Variants in CCDC78 observed in about 807,000 individuals in gnomAD.
CCDC78 encodes coiled-coil domain-containing protein 78.
CCDC78 carries 78 observed loss-of-function variants against 61.9 expected under a neutral mutation model. That is an observed-to-expected ratio of 1.26 (90% CI 1.05 to 1.52). CCDC78 has a LOEUF of 1.52. Among genes scored for constraint, CCDC78 ranks in the 40% most tolerant of loss-of-function variants. The probability of loss-of-function intolerance (pLI) is 0.00; values close to 1 mark genes in which losing one functional copy is unlikely to be tolerated. For missense variants in CCDC78, 737 were observed against 615.5 expected (o/e 1.20, Z -2.09); for synonymous variants, 287 against 251.9 (o/e 1.14, Z -1.32).
chr16:723,629 T>A (rs1179802448), intron 11 of CCDC78: 1 of 696,070 alleles, frequency 1.4e-6, no homozygotes. Context: ...ATCCTCCGTG[T>A]TCAAGGCCAG....
At chr16:723,256 G>A in intron 11 of CCDC78, 95 bp from the exon 12 acceptor site, 1 of 1,346,424 alleles carries the variant, frequency 7.4e-7, no homozygotes, top group African/African-American at 1.4e-5. Flanking sequence ...CCAGAGCCGG[G>A]AGGGGACACC....
chr16:725,423 T>C lies in CCDC78; in HGVS notation c.425A>G (p.His142Arg), dbSNP rs147899031. 193 of 1,612,578 alleles carry C rather than the reference T, an allele frequency of 1.2e-4. No homozygotes were observed. Among genetic ancestry groups the C allele is most frequent in the Non-Finnish European group, 1.5e-4 (181 of 1,179,958 alleles). The stretch of plus-strand genomic sequence containing the variant: ...TATGCTCATGGTAACCTGGAATCTG[T>C]GGTCATCAGAGTGTCCAGGCACCTG... ...KAQVPGHSDD[H>R]RFQVQPKNTM... Residue 142 changes from histidine to arginine, a missense_variant, in exon 4 of 14, where the codon CAC (histidine) becomes CGC (arginine). His to Arg is a conservative substitution (Grantham distance 29). Transcript: ENST00000345165.
rs1048490947 is a variant in CCDC78, at chr16:722,657, C to T, written c.*21G>A. 2 of 1,602,390 alleles carry T rather than the reference C, an allele frequency of 1.2e-6. No homozygotes were observed. The highest frequency in any genetic ancestry group is 1.7e-6 in the Non-Finnish European group (2 of 1,179,406). On this transcript the variant is annotated 3_prime_UTR_variant, in exon 14 of 14. Transcript: ENST00000345165. Reference sequence around the variant, plus strand: ...GTGCTGGCTGAGGAGCTCTGCTCTGCTCTGCTCCTTGGGAGACGGCCTAGT... The same window carrying T: ...GTGCTGGCTGAGGAGCTCTGCTCTGTTCTGCTCCTTGGGAGACGGCCTAGT...
chr16:724,836 CCT>C, intron 7 of CCDC78, 30 bp from the exon 8 acceptor site: 2 of 1,610,782 alleles, frequency 1.2e-6, no homozygotes, highest in Non-Finnish European at 1.7e-6. Flanking sequence ...CCACCTGTGC[CCT>C]GAGAGTGGAC....
chr16:725,441 G>T lies in CCDC78; in HGVS notation c.407C>A (p.Pro136His). 6.2e-7 allele frequency: 1 copy of T among 1,612,768 alleles called. No individual in the cohort carries two copies. The highest frequency in any genetic ancestry group is 8.5e-7 in the Non-Finnish European group (1 of 1,179,958). Residue 136 changes from proline to histidine, a missense_variant, in exon 4 of 14, where the codon CCT becomes CAT. Physicochemically the swap from Pro to His is moderately conservative, Grantham distance 77 (BLOSUM62 -2). Coordinates refer to ENST00000345165, the MANE Select transcript of CCDC78 (RefSeq NM_001378030.1). ...AQELRHKAQVPGHSDDHRFQV... is the reference protein window; with the variant it reads ...AQELRHKAQVHGHSDDHRFQV... ...GAATCTGTGGTCATCAGAGTGTCCA[G>T]GCACCTGGGCTTTGTGTCTGAGCTC...
At chr16:722,882 G>A in intron 13 of CCDC78, 40 bp downstream of exon 13, 1 of 1,610,216 alleles carries the variant, frequency 6.2e-7, no homozygotes, top group Non-Finnish European at 8.5e-7. Flanking sequence ...ATTCCAACCA[G>A]ACCAGGGCCC....
At chr16:723,821 C>A (rs1300063926) in intron 11 of CCDC78, 36 bp downstream of exon 11, 2 of 1,544,496 alleles carry the variant, frequency 1.3e-6, no homozygotes, top group Admixed American at 3.9e-5. Flanking sequence ...CTGCTCATCC[C>A]CCACAGGCCT....
rs1555483898 is a variant in CCDC78 at position 723,027 on chromosome 16, C to T, written c.1201-5G>A. 3 of 1,612,558 alleles carry T rather than the reference C, an allele frequency of 1.9e-6. No homozygotes were observed. The highest frequency in any genetic ancestry group is 2.5e-6 in the Non-Finnish European group (3 of 1,179,992). On this transcript the variant is annotated splice_polypyrimidine_tract_variant and splice_region_variant and intron_variant, in intron 12 of 13. Transcript: ENST00000345165. ...CCGCTCCCGTTCCAGCTCTGCCTGGCATGGGGATGTAAGCCATGAGCTGGG... is the reference window on the plus strand; with the variant it reads ...CCGCTCCCGTTCCAGCTCTGCCTGGTATGGGGATGTAAGCCATGAGCTGGG...
chr16:724,046 G>A (rs2040564611), intron 10 of CCDC78, 60 bp downstream of exon 10: 1 of 894,870 alleles, frequency 1.1e-6, no homozygotes, highest in Non-Finnish European at 1.4e-6. Context: ...GGGCCAGTGT[G>A]GGGCAGTGGG....
At position 725,395 on chromosome 16, in the gene CCDC78, C is replaced by G. The variant is rs764868043; in HGVS notation, c.435+18G>C. On this transcript the variant is annotated intron_variant, in intron 4 of 13. Transcript: ENST00000345165. The stretch of plus-strand genomic sequence containing the variant: ...CTCTGGCCTTTCCCAGCCAGGCTCT[C>G]CATATGCTCATGGTAACCTGGAATC... 3.1e-6 allele frequency: 5 copies of G among 1,612,426 alleles called. No individual in the cohort carries two copies. The South Asian group carries it at 5.5e-5, about 18-fold the overall frequency.
chr16:723,931 G>A lies in CCDC78; in HGVS notation c.1059C>T (p.Gly353=), dbSNP rs773310049. ...GGGATGAGAGCAGTGCCCCAGGCCC[G>A]CCGTGCTACAGAGGTTTGTGGTGGG... ...TDFSHREDQH[G]GPGALLSSPK... The change falls in exon 11 of 14, where the codon GGC becomes GGT. Residue 353 remains glycine (G), a synonymous_variant. Coordinates refer to ENST00000345165, the MANE Select transcript of CCDC78 (RefSeq NM_001378030.1). The A allele has an allele frequency of 3.2e-5, 51 of 1,601,816 alleles. No individual in the cohort carries two copies. The highest frequency in any genetic ancestry group is 1.2e-4 in the Admixed American group (7 of 58,478).
At position 724,141 on chromosome 16, in the gene CCDC78, G is replaced by GCACGGGCAATGGTTCCAGGTC. The variant is rs1434434227; in HGVS notation, c.997_1017dup (p.Asp333_Val339dup). ...CGATGGCTGAAGTCAGTGACCAGGG[G>GCACGGGCAATGGTTCCAGGTC]CACGGGCAATGGTTCCAGGTCCAAG... On this transcript the variant is annotated inframe_insertion, in exon 10 of 14. Transcript: ENST00000345165. 6.2e-7 allele frequency: 1 copy of GCACGGGCAATGGTTCCAGGTC among 1,604,064 alleles called. No individual in the cohort carries two copies.
chr16:725,965 C>G lies in CCDC78; in HGVS notation c.180+1G>C, dbSNP rs1182849511. On this transcript the variant is annotated splice_donor_variant, in intron 2 of 13. Transcript: ENST00000345165. LOFTEE classifies it high-confidence loss of function. ...CGAGCACGCTGGGGCCCCACACCCACCTGCAGCTGCTGCTCCTTATTGAGC... is the reference window on the plus strand; with the variant it reads ...CGAGCACGCTGGGGCCCCACACCCAGCTGCAGCTGCTGCTCCTTATTGAGC... The G allele has an allele frequency of 6.4e-7, 1 of 1,556,946 alleles. No individual in the cohort carries two copies. Among genetic ancestry groups the G allele is most frequent in the Non-Finnish European group, 8.7e-7 (1 of 1,150,172 alleles).
chr16:726,492 C>G, upstream of CCDC78: 1 of 1,238,424 alleles, frequency 8.1e-7, no homozygotes, highest in Non-Finnish European at 1.1e-6. Flanking sequence ...CAGGTGACTC[C>G]CAGGGCACCG....
In CCDC78 at chr16:725,891, C is replaced by T; in HGVS notation, c.181-11G>A. On this transcript the variant is annotated splice_polypyrimidine_tract_variant and intron_variant, in intron 2 of 13. Coordinates refer to ENST00000345165, the MANE Select transcript of CCDC78 (RefSeq NM_001378030.1). ...CAGCTCCTTGGAGATCTGTGGGTGGCCAGGTGAGAGGTGGCGTCTGTGGGC... is the reference window on the plus strand; with the variant it reads ...CAGCTCCTTGGAGATCTGTGGGTGGTCAGGTGAGAGGTGGCGTCTGTGGGC... 5 of 1,606,382 alleles carry T rather than the reference C, an allele frequency of 3.1e-6. No homozygotes were observed. Among genetic ancestry groups the T allele is most frequent in the African/African-American group, 1.3e-5 (1 of 74,948 alleles).
At chr16:723,571 G>A (rs769792151) in intron 11 of CCDC78, 41 of 680,168 alleles carry the variant, frequency 6.0e-5, no homozygotes, top group East Asian at 4.3e-4. Context: ...CCCACCCCTC[G>A]CGTCCTCCAG....
rs60065133 is a variant in CCDC78, at chr16:723,319, C to CT, written c.1134-159_1134-158insA. 2.4e-6 allele frequency: 2 copies of CT among 828,666 alleles called. 1 individual carries two copies. The highest frequency in any genetic ancestry group is 2.9e-5 in the South Asian group (2 of 69,160). 51.3% of individuals were successfully genotyped at this position (828,666 alleles called of 1,614,324 possible). The stretch of plus-strand genomic sequence containing the variant: ...CCCCCCGTGCTCCTGTGGCGCCCCC[C>CT]CCAGGCCTTGGAGCCATCCGTGTAT... On this transcript the variant is annotated intron_variant, in intron 11 of 13. Coordinates refer to ENST00000345165, the MANE Select transcript of CCDC78 (RefSeq NM_001378030.1).
rs751262117 is a variant in CCDC78, at chr16:724,958, G to C, written c.592C>G (p.Arg198Gly). 25 of 1,611,186 alleles carry C rather than the reference G, an allele frequency of 1.6e-5. No homozygotes were observed. Among genetic ancestry groups the C allele is most frequent in the Non-Finnish European group, 3.4e-6 (4 of 1,179,318 alleles). ...TGCCCGGCTGCCCTGGCCTCCTCTCGGGCTCCCTGCAGCTGCCGGCCCAGG... is the reference window on the plus strand; with the variant it reads ...TGCCCGGCTGCCCTGGCCTCCTCTCCGGCTCCCTGCAGCTGCCGGCCCAGG... ...ATLGRQLQGA[R>G]EEARAAGQRL... Residue 198 changes from arginine to glycine, a missense_variant, in exon 7 of 14, where the codon CGA (arginine) becomes GGA (glycine). Coordinates refer to ENST00000345165, the MANE Select transcript of CCDC78 (RefSeq NM_001378030.1).
chr16:723,059 C>T (rs200350051), intron 12 of CCDC78, 36 bp downstream of exon 12: 23 of 1,612,630 alleles, frequency 1.4e-5, no homozygotes, highest in East Asian at 4.5e-5. Context: ...TGGGGCATGG[C>T]GTGAGGATGG....
Sources: gnomAD v4.1 joint callset for allele counts on GRCh38, gnomAD v4.1.1 for gene constraint, MANE v1.5 for transcripts, NCBI Gene and HGNC (gene_info 2026-07-23, HGNC 2026-07-21) for gene names.